Variants in USP34 observed in about 807,000 individuals in gnomAD.
USP34 encodes the protein ubiquitin specific peptidase 34, also known as ubiquitin carboxyl-terminal hydrolase 34.
A neutral mutation model predicts 460.3 loss-of-function variants in USP34; 70 were observed. That is an observed-to-expected ratio of 0.15 (90% confidence interval 0.13 to 0.19). USP34 has a LOEUF of 0.19. Among genes scored for constraint, USP34 ranks in the 10% least tolerant of loss-of-function variants. USP34 has a pLI of 1.00. For missense variants in USP34, 3,985 were observed against 4,236.2 expected, an observed-to-expected ratio of 0.94 and a Z score of 1.65; for synonymous variants, 1,647 against 1,405.3, an observed-to-expected ratio of 1.17 and a Z score of -3.85.
At chr2:61,395,030 A>G in intron 4 of USP34, 28 bp from the exon 5 acceptor site, 1 of 1,558,416 alleles carries the variant, frequency 6.4e-7, no homozygotes, top group Non-Finnish European at 8.6e-7. Context: ...ACATGTCATT[A>G]TTTGAAAACG....
At chr2:61,422,231 G>C (rs1278049158) in intron 1 of USP34, among the ~76,000 whole-genome samples, 1 of 152,164 alleles carries the variant, frequency 6.6e-6, no homozygotes. Flanking sequence ...GGTGAAGAAG[G>C]GATCACAGTA....
intron 43 of USP34, among the ~76,000 whole-genome samples, chr2:61,264,626 C>T (rs1410676185): frequency 1.3e-5 from 2 of 152,080 alleles, no homozygotes; most frequent in Non-Finnish European, 2.9e-5. Context: ...GGGTGACAGA[C>T]ACTGAGTCCT....
At chr2:61,406,686 A>T (rs1179760625) in intron 2 of USP34, among the ~76,000 whole-genome samples, 1 of 144,430 alleles carries the variant, frequency 6.9e-6, no homozygotes, top group Non-Finnish European at 1.5e-5. Context: ...CCTGTAAAAA[A>T]AAATATATGT....
chr2:61,339,331 A>T lies in USP34; in HGVS notation c.2744+20T>A, dbSNP rs778161096. On this transcript the variant is annotated intron_variant, in intron 18 of 79. Coordinates refer to ENST00000398571, the MANE Select transcript of USP34 (RefSeq NM_014709.4). Reference sequence around the variant, plus strand: ...AAATACTTTGACTACTGCATTAAAAATTTTTAAATTCCTCTTTACCTGTTG... The same window carrying T: ...AAATACTTTGACTACTGCATTAAAATTTTTTAAATTCCTCTTTACCTGTTG... The T allele has an allele frequency of 3.1e-6, 5 of 1,597,544 alleles. No homozygotes were observed. Among genetic ancestry groups the T allele is most frequent in the Non-Finnish European group, 4.3e-6 (5 of 1,174,554 alleles).
chr2:61,353,595 T>A (rs996918369), intron 10 of USP34, among the ~76,000 whole-genome samples: 2 of 148,508 alleles, frequency 1.3e-5, no homozygotes, highest in Admixed American at 6.9e-5. Flanking sequence ...TTTAGTTGGG[T>A]TTTTTTTGTA....
rs916376393 is a variant in USP34, at chr2:61,449,795, C to T, written c.43+20855G>A. Among the ~76,000 whole-genome samples, 3 of 149,662 alleles carry T rather than the reference C, an allele frequency of 2.0e-5. No individual in the cohort carries two copies. The East Asian group carries it at 5.8e-4, about 29-fold the overall frequency. Reference sequence around the variant, plus strand: ...AAGAATGAAGTTGTATCAGCCGGCGCGGTGGCTCACGCCTGTAATCCCAGC... The same window carrying T: ...AAGAATGAAGTTGTATCAGCCGGCGTGGTGGCTCACGCCTGTAATCCCAGC... On this transcript the variant is annotated intron_variant, in intron 1 of 79. Coordinates refer to ENST00000398571, the MANE Select transcript of USP34 (RefSeq NM_014709.4).
intron 29 of USP34, among the ~76,000 whole-genome samples, chr2:61,298,817 G>C (rs1438312774): frequency 1.3e-5 from 2 of 151,496 alleles, no homozygotes; most frequent in Non-Finnish European, 2.9e-5. Flanking sequence ...TGCGATACAA[G>C]TTACAGTCTA....
At chr2:61,245,068 T>C in intron 51 of USP34, 142 bp downstream of exon 51, 1 of 581,732 alleles carries the variant, frequency 1.7e-6, no homozygotes. Flanking sequence ...CATACTAAAC[T>C]TCCAATAAAT....
intron 58 of USP34, among the ~76,000 whole-genome samples, chr2:61,231,332 G>GT (rs1171531413): frequency 6.6e-6 from 1 of 152,040 alleles, no homozygotes; most frequent in African/African-American, 2.4e-5. Flanking sequence ...AAATTAGGTA[G>GT]TAGTGATGGC....
chr2:61,245,724 A>C (rs1688401189), intron 50 of USP34, among the ~76,000 whole-genome samples: 2 of 152,206 alleles, frequency 1.3e-5, no homozygotes, highest in South Asian at 4.2e-4. Context: ...GTGAAAAATA[A>C]CTCAATGAAA....
At chr2:61,196,069 A>AGTT (rs1686795624) in intron 75 of USP34, among the ~76,000 whole-genome samples, 1 of 41,576 alleles carries the variant, frequency 2.4e-5, no homozygotes, top group Non-Finnish European at 4.0e-5. Context: ...ACCATGCACG[A>AGTT]TTTTTTTTTT....
chr2:61,361,834 A>G (rs1043542553), intron 10 of USP34, among the ~76,000 whole-genome samples: 1 of 152,196 alleles, frequency 6.6e-6, no homozygotes, highest in African/African-American at 2.4e-5. Context: ...CAAACCAACA[A>G]GCTTCTGCAC....
chr2:61,449,133 G>C (rs925375390), intron 1 of USP34, among the ~76,000 whole-genome samples: 3 of 147,802 alleles, frequency 2.0e-5, no homozygotes, highest in African/African-American at 7.5e-5. Context: ...CTCCAGCCTG[G>C]GCAACAGGAA....
intron 39 of USP34, 24 bp downstream of exon 39, chr2:61,280,220 T>C (rs1373824203): frequency 7.8e-7 from 1 of 1,279,848 alleles, no homozygotes; most frequent in Admixed American, 2.1e-5. Context: ...ATACATAGAA[T>C]AGTATATAAT....
At chr2:61,420,991 T>C (rs1253949916) in intron 1 of USP34, among the ~76,000 whole-genome samples, 158 bp from the exon 2 acceptor site, 1 of 152,030 alleles carries the variant, frequency 6.6e-6, no homozygotes, top group African/African-American at 2.4e-5. Context: ...ATAACTCATA[T>C]GGACTTAAGA....
chr2:61,385,158 T>C (rs566586276), intron 5 of USP34, among the ~76,000 whole-genome samples: 1 of 152,200 alleles, frequency 6.6e-6, no homozygotes, highest in Non-Finnish European at 1.5e-5. Context: ...ATCAAAAATA[T>C]CATGTGTCTA....
Position 61,396,739 on chromosome 2 carries a change from C to G in USP34, c.553-1506G>C, listed in dbSNP as rs181710296. ...TCCTGACCTCATGATCCACCCGCCTCGGCCTCCCAAAGTGCTGGGATTACA... is the reference window on the plus strand; with the variant it reads ...TCCTGACCTCATGATCCACCCGCCTGGGCCTCCCAAAGTGCTGGGATTACA... On this transcript the variant is annotated intron_variant, in intron 3 of 79. Coordinates refer to ENST00000398571, the MANE Select transcript of USP34 (RefSeq NM_014709.4). 1.1e-4 allele frequency among the ~76,000 whole-genome samples: 16 copies of G among 152,192 alleles called. No individual in the cohort carries two copies. In the East Asian group the frequency reaches 2.9e-3, roughly 28 times the overall value.
At chr2:61,340,165 C>T (rs1019502333) in intron 16 of USP34, among the ~76,000 whole-genome samples, 31 of 151,908 alleles carry the variant, frequency 2.0e-4, no homozygotes, top group African/African-American at 7.0e-4. Context: ...AACAGACATA[C>T]CTCTAAATGA....
At chr2:61,190,803 T>C (rs1410884055) in intron 76 of USP34, 145 bp from the exon 77 acceptor site, 3 of 988,296 alleles carry the variant, frequency 3.0e-6, no homozygotes, top group Non-Finnish European at 2.8e-6. Flanking sequence ...CATGTCTAAC[T>C]CACCTATTGA....
Sources: allele counts gnomAD v4.1 joint callset (sites outside exome capture counted in the v4.1 genomes callset), GRCh38; gene constraint gnomAD v4.1.1; transcripts MANE v1.5; gene names NCBI Gene and HGNC (gene_info 2026-07-23, HGNC 2026-07-21).